ITFG1: variants seen among roughly 807,000 people sequenced by gnomAD.
ITFG1 encodes T-cell immunomodulatory protein.
A neutral mutation model predicts 81.8 loss-of-function variants in ITFG1; 34 were observed. The observed-to-expected ratio is 0.42, with a 90% CI of 0.32 to 0.55. The LOEUF is 0.55. Among genes scored for constraint, ITFG1 ranks in the 20% least tolerant of loss-of-function variants. The probability of loss-of-function intolerance (pLI) is 0.17; values close to 1 mark genes in which losing one functional copy is unlikely to be tolerated. For synonymous variants in ITFG1, 285 were observed against 270.6 expected (o/e 1.05, Z -0.52); for missense variants, 672 against 755.4 (o/e 0.89, Z 1.29).
chr16:47,180,804 C>T (rs1240932674), intron 14 of ITFG1, among the ~76,000 whole-genome samples: 5 of 151,686 alleles, frequency 3.3e-5, no homozygotes, highest in Non-Finnish European at 5.9e-5. Context: ...CCGGCCGCCA[C>T]CCCGTCTGGG....
At chr16:47,232,438 T>C (rs1016044927) in intron 13 of ITFG1, among the ~76,000 whole-genome samples, 2 of 152,186 alleles carry the variant, frequency 1.3e-5, no homozygotes, top group African/African-American at 4.8e-5. Flanking sequence ...ATAGTTCTTA[T>C]GAAGAAAGAG....
Position 47,454,141 on chromosome 16 carries a change from A to G in ITFG1, c.299T>C (p.Ile100Thr). 2 of 1,605,182 alleles carry G rather than the reference A, an allele frequency of 1.2e-6. No individual in the cohort carries two copies. The highest frequency in any genetic ancestry group is 8.5e-7 in the Non-Finnish European group (1 of 1,174,374). ...ATAATCCCCAGGGACTACACTTGTT[A>G]TCAATGCACTGTGATTCCTAAAAGA... ...KVSFKNHSAL[I>T]TSVVPGDYDG... The change falls in exon 3 of 18, where the codon ATA (isoleucine) becomes ACA (threonine). Residue 100 changes from isoleucine to threonine, a missense_variant. By Grantham distance (89) the Ile-to-Thr change is moderately conservative. Transcript: ENST00000320640.
chr16:47,226,916 T>C (rs1015620695), intron 13 of ITFG1, among the ~76,000 whole-genome samples: 1 of 152,200 alleles, frequency 6.6e-6, no homozygotes. Context: ...TAATGGGTTA[T>C]CTTTTAAAAA....
intron 5 of ITFG1, among the ~76,000 whole-genome samples, chr16:47,439,361 G>A (rs1329835590): frequency 6.6e-6 from 1 of 152,102 alleles, no homozygotes; most frequent in Non-Finnish European, 1.5e-5. Context: ...CTCGAGAACA[G>A]CAACTCCAAG....
intron 7 of ITFG1, among the ~76,000 whole-genome samples, chr16:47,372,777 A>G (rs1968274128): frequency 6.6e-6 from 1 of 152,166 alleles, no homozygotes; most frequent in Admixed American, 6.5e-5. Context: ...TGCTCACCAG[A>G]AGAAAACACA....
chr16:47,379,558 T>C (rs968060401), intron 6 of ITFG1, among the ~76,000 whole-genome samples: 1 of 152,004 alleles, frequency 6.6e-6, no homozygotes, highest in Admixed American at 6.6e-5. Flanking sequence ...CGTGGTGGTG[T>C]GCATCTGTAA....
intron 12 of ITFG1, among the ~76,000 whole-genome samples, chr16:47,249,192 C>T (rs1301703912): frequency 3.9e-5 from 6 of 152,190 alleles, no homozygotes; most frequent in Admixed American, 1.3e-4. Flanking sequence ...CCAAAGTGGG[C>T]GGATCACTTG....
chr16:47,425,951 CT>C (rs947893338), intron 6 of ITFG1: 2 of 152,120 alleles, frequency 1.3e-5, no homozygotes, highest in African/African-American at 4.8e-5. Flanking sequence ...TTTGTCCTTT[CT>C]TTATCTCTTA....
At chr16:47,357,867 C>T (rs1334150398) in intron 8 of ITFG1, among the ~76,000 whole-genome samples, 1 of 151,952 alleles carries the variant, frequency 6.6e-6, no homozygotes, top group Non-Finnish European at 1.5e-5. Flanking sequence ...TATGAAGCAG[C>T]CATTTTATAA....
chr16:47,196,769 CA>C (rs914066483), intron 14 of ITFG1: 1 of 152,146 alleles, frequency 6.6e-6, no homozygotes, highest in African/African-American at 2.4e-5. Context: ...GCAGCCTGGC[CA>C]ACTGGTGAAA....
At chr16:47,276,249 A>C (rs1966397611) in intron 10 of ITFG1, among the ~76,000 whole-genome samples, 1 of 152,162 alleles carries the variant, frequency 6.6e-6, no homozygotes, top group Non-Finnish European at 1.5e-5. Flanking sequence ...AAATTTCAAT[A>C]ATAGTCATTA....
intron 10 of ITFG1, among the ~76,000 whole-genome samples, chr16:47,265,518 G>C (rs1966266259): frequency 6.6e-6 from 1 of 152,030 alleles, no homozygotes. Flanking sequence ...AACCAGAAGA[G>C]GAGAAATATA....
rs549728513 is a variant in ITFG1 at position 47,326,354 on chromosome 16, C to T, written c.803-12531G>A. Among the ~76,000 whole-genome samples, 100 of 152,254 alleles carry T rather than the reference C, an allele frequency of 6.6e-4. 1 individual carries two copies. The highest frequency in any genetic ancestry group is 2.2e-3 in the African/African-American group (93 of 41,546). On this transcript the variant is annotated intron_variant, in intron 8 of 17. Transcript: ENST00000320640. ...TAATAAGAGCTATCTATGACAAACC[C>T]ACAGCCAATATCATACTGAATGGAC...
chr16:47,297,631 C>CTTTTTTTTTTTTT (rs767640557), intron 10 of ITFG1, among the ~76,000 whole-genome samples: 1 of 132,946 alleles, frequency 7.5e-6, no homozygotes, highest in Non-Finnish European at 1.6e-5. Flanking sequence ...TGACAGTTTG[C>CTTTTTTTTTTTTT]TTTTTTTTTT....
chr16:47,190,451 A>G (rs1215992584), intron 14 of ITFG1, among the ~76,000 whole-genome samples: 1 of 152,216 alleles, frequency 6.6e-6, no homozygotes, highest in Non-Finnish European at 1.5e-5. Flanking sequence ...CAATAGACAT[A>G]AAACACAAAA....
At chr16:47,269,967 C>T (rs924501476) in intron 10 of ITFG1, among the ~76,000 whole-genome samples, 5 of 152,188 alleles carry the variant, frequency 3.3e-5, no homozygotes, top group South Asian at 2.1e-4. Flanking sequence ...AAGAAATATA[C>T]CCAAACATAT....
At chr16:47,210,596 G>A (rs902696205) in intron 14 of ITFG1, among the ~76,000 whole-genome samples, 3 of 152,122 alleles carry the variant, frequency 2.0e-5, no homozygotes. Context: ...TCTTTGCCAA[G>A]CCTTAAATCC....
intron 6 of ITFG1, 98 bp from the exon 7 acceptor site, chr16:47,376,038 C>G: frequency 1.6e-6 from 1 of 629,154 alleles, no homozygotes. Context: ...AGAATTGACA[C>G]AATTCTACTT....
intron 10 of ITFG1, among the ~76,000 whole-genome samples, chr16:47,301,743 T>A (rs111586400): frequency 6.6e-6 from 1 of 152,176 alleles, no homozygotes; most frequent in African/African-American, 2.4e-5. Context: ...CAAATGACAA[T>A]AATATAGGGA....
Sources: gnomAD v4.1 joint callset for allele counts (sites outside exome capture counted in the v4.1 genomes callset) on GRCh38, gnomAD v4.1.1 for gene constraint, MANE v1.5 for transcripts, NCBI Gene and HGNC (gene_info 2026-07-23, HGNC 2026-07-21) for gene names.